PALS2: variants seen among roughly 807,000 people sequenced by gnomAD.
The protein encoded by PALS2 is protein PALS2.
Under a neutral mutation model 61.6 loss-of-function variants are expected in PALS2, and 27 were observed. The ratio of observed to expected loss-of-function variants is 0.44; its 90% CI spans 0.32 to 0.60. The LOEUF (loss-of-function observed/expected upper bound fraction) is 0.60. Among genes scored for constraint, PALS2 ranks in the 20% least tolerant of loss-of-function variants. PALS2 has a pLI of 0.05. For missense variants in PALS2, 554 were observed against 639.4 expected, an observed-to-expected ratio of 0.87 and a Z score of 1.44; for synonymous variants, 236 against 218.6, an observed-to-expected ratio of 1.08 and a Z score of -0.70.
chr7:24,610,346 C>T (rs1784070315), intron 1 of PALS2, among the ~76,000 whole-genome samples: 1 of 152,098 alleles, frequency 6.6e-6, no homozygotes, highest in Non-Finnish European at 1.5e-5. Context: ...GATCTTATCA[C>T]CAGTTTCATA....
chr7:24,627,582 GT>G (rs1459018028), intron 2 of PALS2, among the ~76,000 whole-genome samples: 3 of 152,204 alleles, frequency 2.0e-5, no homozygotes, highest in African/African-American at 7.2e-5. Context: ...CCAGGAGCTG[GT>G]TTTTTGAAAA....
intron 2 of PALS2, among the ~76,000 whole-genome samples, chr7:24,627,154 A>G (rs187305653): frequency 6.6e-6 from 1 of 152,350 alleles, no homozygotes; most frequent in East Asian, 1.9e-4. Context: ...AACGGAAATC[A>G]TAACAAAGAA....
At chr7:24,594,116 T>C (rs1337008356) in intron 1 of PALS2, among the ~76,000 whole-genome samples, 1 of 152,142 alleles carries the variant, frequency 6.6e-6, no homozygotes, top group African/African-American at 2.4e-5. Flanking sequence ...CACCTTACAC[T>C]TTTATGTTAT....
chr7:24,636,761 T>A (rs1401867361), intron 2 of PALS2, among the ~76,000 whole-genome samples: 1 of 151,936 alleles, frequency 6.6e-6, no homozygotes, highest in East Asian at 1.9e-4. Flanking sequence ...TCTTAATGAG[T>A]TGTTGATCTT....
rs1783537170 is a variant in PALS2 at position 24,596,688 on chromosome 7, T to C, written c.-3+23095T>C. ...AGAGTAAATTGGCAACAGTGCTATT[T>C]ATTTGAGCTCTGTTTAAAAAGGAAA... is the stretch of plus-strand genomic sequence containing the variant. On this transcript the variant is annotated intron_variant, in intron 1 of 11. Coordinates refer to ENST00000222644, the MANE Select transcript of PALS2 (RefSeq NM_001303037.2). The surrounding 1 kb of genome is among the most constrained non-coding windows in gnomAD (Gnocchi z 4.5). 6.6e-6 allele frequency among the ~76,000 whole-genome samples: 1 copy of C among 152,146 alleles called. No individual in the cohort carries two copies. The highest frequency in any genetic ancestry group is 1.5e-5 in the Non-Finnish European group (1 of 68,018).
chr7:24,614,260 G>GT lies in PALS2; in HGVS notation c.-2-9398dup, dbSNP rs200363331. On this transcript the variant is annotated intron_variant, in intron 1 of 11. Coordinates refer to ENST00000222644, the MANE Select transcript of PALS2 (RefSeq NM_001303037.2). The stretch of plus-strand genomic sequence containing the variant: ...ATCCTTGGTTAAATTTATTCTTAGG[G>GT]TTTTTTTTCAGTTATTATAAATATA... 4.8e-4 allele frequency among the ~76,000 whole-genome samples: 73 copies of GT among 150,698 alleles called. 1 individual carries two copies. The East Asian group carries it at 0.011, about 23-fold the overall frequency.
chr7:24,617,635 G>T (rs573960171), intron 1 of PALS2, among the ~76,000 whole-genome samples: 10 of 152,310 alleles, frequency 6.6e-5, no homozygotes, highest in Non-Finnish European at 1.5e-4. Flanking sequence ...ATCAATTTTA[G>T]TGATGTTTGT....
At chr7:24,668,473 G>A in intron 8 of PALS2, 26 bp from the exon 9 acceptor site, 1 of 1,596,212 alleles carries the variant, frequency 6.3e-7, no homozygotes, top group Non-Finnish European at 8.6e-7. Context: ...AGTTGACTTT[G>A]TATTCCCATT....
At chr7:24,646,351 T>C (rs531398012) in intron 3 of PALS2, among the ~76,000 whole-genome samples, 3 of 152,350 alleles carry the variant, frequency 2.0e-5, no homozygotes, top group African/African-American at 7.2e-5. Flanking sequence ...AATTGATAAT[T>C]TTTAACATGA....
In PALS2 at chr7:24,631,166, T is replaced by C. The variant is rs116537901; in HGVS notation, c.117+7382T>C. Among the ~76,000 whole-genome samples the C allele has an allele frequency of 2.6e-3, 400 of 152,290 alleles. 3 individuals are homozygous for C. The highest frequency in any genetic ancestry group is 9.1e-3 in the African/African-American group (377 of 41,562). On this transcript the variant is annotated intron_variant, in intron 2 of 11. Transcript: ENST00000222644. ...TATTCTAGATGCCATTAAGAACATT[T>C]GTGATGCATGGGAGAAGGTCAGAAT...
chr7:24,693,979 G>T lies in PALS2; in HGVS notation c.*6365G>T, dbSNP rs1037404422. The stretch of plus-strand genomic sequence containing the variant: ...CTTTTTTAAACCTCTAGTTTTTGAA[G>T]TAACTGTAGAAGAGAATCTTTAAAA... On this transcript the variant is annotated 3_prime_UTR_variant, in exon 12 of 12. Coordinates refer to ENST00000222644, the MANE Select transcript of PALS2 (RefSeq NM_001303037.2). 1 of 151,732 alleles carries T rather than the reference G, an allele frequency of 6.6e-6. No homozygotes were observed. Among genetic ancestry groups the T allele is most frequent in the Non-Finnish European group, 1.5e-5 (1 of 67,954 alleles). 9.4% of individuals were successfully genotyped at this position (151,732 alleles called of 1,614,324 possible).
At chr7:24,679,485 T>C (rs1787802652) in intron 10 of PALS2, 152 bp downstream of exon 10, 3 of 708,902 alleles carry the variant, frequency 4.2e-6, no homozygotes, top group South Asian at 3.8e-5. Context: ...AATGTTATTA[T>C]GTATACATAG....
chr7:24,595,467 A>G (rs1783468603), intron 1 of PALS2, among the ~76,000 whole-genome samples: 1 of 138,286 alleles, frequency 7.2e-6, no homozygotes, highest in South Asian at 2.1e-4. Flanking sequence ...ATATAAATAT[A>G]TATAAATATG....
intron 1 of PALS2, among the ~76,000 whole-genome samples, chr7:24,585,411 A>G (rs1025696927): frequency 6.6e-6 from 1 of 152,116 alleles, no homozygotes; most frequent in African/African-American, 2.4e-5. Flanking sequence ...AGGTATATTC[A>G]GATCCTTTCT....
At chr7:24,600,527 C>T (rs1207919579) in intron 1 of PALS2, among the ~76,000 whole-genome samples, 2 of 151,616 alleles carry the variant, frequency 1.3e-5, no homozygotes, top group Non-Finnish European at 2.9e-5. Flanking sequence ...TTTTTGAGCC[C>T]CAGTTTCTTA....
At chr7:24,626,957 T>C (rs1401590879) in intron 2 of PALS2, among the ~76,000 whole-genome samples, 1 of 152,096 alleles carries the variant, frequency 6.6e-6, no homozygotes, top group Non-Finnish European at 1.5e-5. Flanking sequence ...ATTAGACAGC[T>C]CAACAAGACA....
intron 1 of PALS2, among the ~76,000 whole-genome samples, chr7:24,592,342 C>A (rs1490360240): frequency 1.3e-5 from 2 of 152,038 alleles, no homozygotes; most frequent in East Asian, 3.9e-4. Context: ...AGCAATGAAT[C>A]TATGGAATGG....
At chr7:24,644,525 A>C (rs538297169) in intron 3 of PALS2, among the ~76,000 whole-genome samples, 62 of 150,294 alleles carry the variant, frequency 4.1e-4, no homozygotes, top group African/African-American at 1.3e-3. Context: ...TATATATATC[A>C]CATTTTCTTT....
intron 4 of PALS2, among the ~76,000 whole-genome samples, chr7:24,650,262 C>G (rs1322079618): frequency 6.6e-6 from 1 of 152,024 alleles, no homozygotes; most frequent in Admixed American, 6.6e-5. Context: ...CCTGCTCTCT[C>G]GAGTTTCCAT....
Sources: allele counts gnomAD v4.1 joint callset (sites outside exome capture counted in the v4.1 genomes callset), GRCh38; gene constraint gnomAD v4.1.1; non-coding constraint Gnocchi (gnomAD v3.1); transcripts MANE v1.5; gene names NCBI Gene and HGNC (gene_info 2026-07-23, HGNC 2026-07-21).